G3BP1: variants seen among roughly 807,000 people sequenced by gnomAD.
G3BP1 encodes the protein ras GTPase-activating protein-binding protein 1.
G3BP1 carries 35 observed loss-of-function variants against 58.6 expected under a neutral mutation model. The ratio of observed to expected loss-of-function variants is 0.60; its 90% confidence interval spans 0.46 to 0.79. The LOEUF is 0.79. Ranked by LOEUF, G3BP1 falls within the 30% of genes least tolerant of loss-of-function variation. G3BP1 has a pLI of 0.00. For missense variants in G3BP1, 523 were observed against 580.8 expected (o/e 0.90, Z 1.02); for synonymous variants, 191 against 195.4 (o/e 0.98, Z 0.19).
intron 1 of G3BP1, among the ~76,000 whole-genome samples, chr5:151,778,738 T>A (rs1404033285): frequency 6.6e-6 from 1 of 151,624 alleles, no homozygotes. Context: ...GTACTTTATA[T>A]ATTCTGGATA....
chr5:151,780,552 C>T (rs982724831), intron 1 of G3BP1, among the ~76,000 whole-genome samples: 10 of 152,160 alleles, frequency 6.6e-5, no homozygotes, highest in African/African-American at 9.7e-5. Context: ...GCTCATTCGC[C>T]TAGGCTGGAG....
At chr5:151,782,331 T>A (rs934842942) in intron 1 of G3BP1, among the ~76,000 whole-genome samples, 1 of 152,212 alleles carries the variant, frequency 6.6e-6, no homozygotes, top group African/African-American at 2.4e-5. Flanking sequence ...TTGTTGTCTT[T>A]GAAATGTTTA....
rs1762899717 is a variant in G3BP1 at position 151,803,888 on chromosome 5, A to G, written c.1198A>G (p.Ile400Val). The change falls in exon 12 of 12, where the codon ATC becomes GTC. Residue 400 changes from isoleucine (I) to valine (V), a missense_variant. Transcript: ENST00000356245. ...PVQKVLSNRP[I>V]MFRGEVRLNV... ...CTGGTCACCTTGATTCTTACAGCCC[A>G]TCATGTTCAGAGGTGAGGTCCGTCT... 1.2e-6 allele frequency: 2 copies of G among 1,609,838 alleles called. No homozygotes were observed. Among genetic ancestry groups the G allele is most frequent in the Admixed American group, 1.7e-5 (1 of 59,958 alleles).
At chr5:151,785,930 A>T (rs1372501042) in intron 1 of G3BP1, among the ~76,000 whole-genome samples, 1 of 152,202 alleles carries the variant, frequency 6.6e-6, no homozygotes, top group Non-Finnish European at 1.5e-5. Context: ...TTGCCTTTGA[A>T]TCTAATATTG....
intron 11 of G3BP1, 54 bp downstream of exon 11, chr5:151,800,923 T>G: frequency 1.2e-6 from 1 of 845,292 alleles, no homozygotes; most frequent in Non-Finnish European, 2.0e-6. Context: ...AGGGTTTTGG[T>G]TCTTTAGAAT....
intron 11 of G3BP1, among the ~76,000 whole-genome samples, chr5:151,801,916 G>A (rs1233695689): frequency 6.6e-6 from 1 of 151,910 alleles, no homozygotes; most frequent in Non-Finnish European, 1.5e-5. Context: ...CTGGGTTCAA[G>A]CAGTTCTCCT....
intron 2 of G3BP1, 87 bp from the exon 3 acceptor site, chr5:151,790,230 CAAAAAA>C: frequency 1.2e-5 from 5 of 423,280 alleles, no homozygotes; most frequent in South Asian, 7.5e-5. Flanking sequence ...GACCCCGTTG[CAAAAAA>C]AAAAAAAAAA....
rs1382154341 is a variant in G3BP1, at chr5:151,795,504, T to C, written c.468T>C (p.Pro156=). 1.9e-6 allele frequency: 3 copies of C among 1,598,144 alleles called. No homozygotes were observed. The highest frequency in any genetic ancestry group is 8.6e-7 in the Non-Finnish European group (1 of 1,166,232). ...AGTCTGAAGAAGAAGTAGAGGAACCTGAAGAAAGACAGCAAACACCTGAGG... is the reference window on the plus strand; with the variant it reads ...AGTCTGAAGAAGAAGTAGAGGAACCCGAAGAAAGACAGCAAACACCTGAGG... The part of the protein sequence containing the change: ...QEESEEEVEE[P]EERQQTPEVV... The change falls in exon 6 of 12, where the codon CCT becomes CCC. Residue 156 remains proline (P), a synonymous_variant. Coordinates refer to ENST00000356245, the MANE Select transcript of G3BP1 (RefSeq NM_005754.3).
At chr5:151,780,772 A>G (rs910158951) in intron 1 of G3BP1, among the ~76,000 whole-genome samples, 2 of 152,112 alleles carry the variant, frequency 1.3e-5, no homozygotes, top group African/African-American at 4.8e-5. Flanking sequence ...TTGGCTTCCT[A>G]AAGTGCTGGG....
chr5:151,786,474 T>C (rs1039950644), intron 1 of G3BP1, 98 bp from the exon 2 acceptor site: 4 of 657,680 alleles, frequency 6.1e-6, no homozygotes, highest in African/African-American at 1.8e-5. Context: ...GTTTTTATGA[T>C]GTTTGTTCAT....
At chr5:151,781,511 T>C (rs1762470435) in intron 1 of G3BP1, among the ~76,000 whole-genome samples, 1 of 152,212 alleles carries the variant, frequency 6.6e-6, no homozygotes, top group African/African-American at 2.4e-5. Flanking sequence ...TCATGTTTAG[T>C]ACAATACTGA....
chr5:151,783,223 G>T (rs1252356951), intron 1 of G3BP1, among the ~76,000 whole-genome samples: 1 of 152,058 alleles, frequency 6.6e-6, no homozygotes, highest in Non-Finnish European at 1.5e-5. Context: ...AATTGAGAGA[G>T]TGAGAATTCT....
At chr5:151,797,129 C>A in intron 6 of G3BP1, 98 bp from the exon 7 acceptor site, 1 of 1,162,192 alleles carries the variant, frequency 8.6e-7, no homozygotes, top group Non-Finnish European at 1.2e-6. Context: ...ATAGAAGGAG[C>A]TAACTCTGTG....
chr5:151,782,750 A>T (rs557097489), intron 1 of G3BP1, among the ~76,000 whole-genome samples: 2 of 151,996 alleles, frequency 1.3e-5, no homozygotes, highest in African/African-American at 2.4e-5. Flanking sequence ...TACATTTTTT[A>T]AAAAAATTAT....
rs114934278 is a variant in G3BP1 at position 151,790,878 on chromosome 5, A to T, written c.178-11A>T. 2.1e-3 allele frequency: 3,009 copies of T among 1,448,134 alleles called. 57 individuals are homozygous for T. In the African/African-American group the frequency reaches 0.031, roughly 15 times the overall value. 89.7% of individuals were successfully genotyped at this position (1,448,134 alleles called of 1,614,324 possible). On this transcript the variant is annotated splice_polypyrimidine_tract_variant and intron_variant, in intron 3 of 11. Transcript: ENST00000356245. ...TCAGTTGATTATTATTATTATTATT[A>T]TTTTTTTAAGGAAATCCACAGGAAA... is the stretch of plus-strand genomic sequence containing the variant.
chr5:151,788,572 ATGTG>A lies in G3BP1; in HGVS notation c.96-1713_96-1710del, dbSNP rs10634385. Among the ~76,000 whole-genome samples the A allele has an allele frequency of 8.2e-3, 1,098 of 133,318 alleles. 16 individuals carry two copies. Among genetic ancestry groups the A allele is most frequent in the African/African-American group, 0.028 (950 of 33,696 alleles). The allele number at this position is 133,318 out of a possible 152,430, so 87.5% of individuals were successfully genotyped here. A position where few individuals can be genotyped will look rare whatever the true frequency, so the allele number is the denominator to read the frequency against. On this transcript the variant is annotated intron_variant, in intron 2 of 11. Coordinates refer to ENST00000356245, the MANE Select transcript of G3BP1 (RefSeq NM_005754.3). The stretch of plus-strand genomic sequence containing the variant: ...CACTACCATGCCCAGCTAAGTTTAT[ATGTG>A]TGTGTGTGTGTGTGTGTGTGTGTGT...
chr5:151,788,660 C>T (rs773380166), intron 2 of G3BP1, among the ~76,000 whole-genome samples: 8 of 149,026 alleles, frequency 5.4e-5, no homozygotes, highest in Non-Finnish European at 3.0e-5. Context: ...GCTCTGTCAC[C>T]GAGCCTGGAA....
At chr5:151,784,056 C>G (rs544218466) in intron 1 of G3BP1, among the ~76,000 whole-genome samples, 16 of 152,298 alleles carry the variant, frequency 1.1e-4, no homozygotes, top group African/African-American at 3.8e-4. Flanking sequence ...GCCACCACAC[C>G]TGGCCAACAT....
At position 151,809,692 on chromosome 5, in the gene G3BP1, C is replaced by A. The variant is rs1762988340; in HGVS notation, c.*5601C>A. ...AGAATTGGTTAGTAGAGTCCCAAAT[C>A]TGCTTTTAGAAGTAATATGGTGATC... On this transcript the variant is annotated 3_prime_UTR_variant, in exon 12 of 12. Transcript: ENST00000356245. 1 of 152,154 alleles carries A rather than the reference C, an allele frequency of 6.6e-6. No homozygotes were observed. The highest frequency in any genetic ancestry group is 1.5e-5 in the Non-Finnish European group (1 of 68,028). The allele number at this position is 152,154 out of a possible 1,614,324, so 9.4% of individuals were successfully genotyped here.
Sources: gnomAD v4.1 joint callset for allele counts (sites outside exome capture counted in the v4.1 genomes callset) on GRCh38, gnomAD v4.1.1 for gene constraint, MANE v1.5 for transcripts, NCBI Gene and HGNC (gene_info 2026-07-23, HGNC 2026-07-21) for gene names.